The following ADD2 variants were observed in gnomAD, a reference collection of about 807,000 sequenced individuals.
ADD2 encodes beta-adducin.
A neutral mutation model predicts 83.0 loss-of-function variants in ADD2; 23 were observed. The observed-to-expected ratio is 0.28, with a 90% CI of 0.20 to 0.39. The LOEUF is 0.39. ADD2 is among the 10% of genes least tolerant of loss of function. The pLI, the probability that ADD2 is intolerant of heterozygous loss-of-function variation, is 1.00. For missense variants in ADD2, 758 were observed against 944.9 expected (o/e 0.80, Z 2.59); for synonymous variants, 375 against 375.4 (o/e 1.00, Z 0.01).
chr2:70,675,547 T>C (rs988176487), intron 13 of ADD2: 65 of 985,320 alleles, frequency 6.6e-5, no homozygotes, highest in East Asian at 5.7e-4. Context: ...TAGCCCAAGA[T>C]AGGAACTAAA....
At chr2:70,726,186 C>CAAAAAAAAAAAAAA (rs34333514) in intron 1 of ADD2, among the ~76,000 whole-genome samples, 4 of 45,490 alleles carry the variant, frequency 8.8e-5, no homozygotes, top group Non-Finnish European at 1.3e-4. Context: ...GACTCCATCT[C>CAAAAAAAAAAAAAA]AAAAAAAAAA....
Position 70,704,352 on chromosome 2 carries a change from G to A in ADD2, c.291C>T (p.Thr97=), listed in dbSNP as rs1671779215. The part of the protein sequence containing the change: ...LRQIADFMAS[T]SHAVFPTSSM... The stretch of plus-strand genomic sequence containing the variant: ...AAGATGTCGGGAAGACTGCGTGGGA[G>A]GTGCTGGCCATGAAGTCCGCGATCT... The change falls in exon 4 of 16, where the codon ACC becomes ACT. Residue 97 remains threonine (T), a synonymous_variant. Transcript: ENST00000264436. 6.2e-7 allele frequency: 1 copy of A among 1,613,622 alleles called. No homozygotes were observed. Among genetic ancestry groups the A allele is most frequent in the Non-Finnish European group, 8.5e-7 (1 of 1,179,938 alleles).
chr2:70,714,749 C>G (rs1672377847), intron 1 of ADD2, among the ~76,000 whole-genome samples: 1 of 152,226 alleles, frequency 6.6e-6, no homozygotes, highest in Non-Finnish European at 1.5e-5. Context: ...CTCCACTGCC[C>G]TCCCTAAGAA....
intron 1 of ADD2, among the ~76,000 whole-genome samples, chr2:70,729,797 G>T (rs1641669683): frequency 6.6e-6 from 1 of 152,156 alleles, no homozygotes; most frequent in Non-Finnish European, 1.5e-5. Flanking sequence ...TTGTTTCTGA[G>T]AGATGGAGAT....
chr2:70,743,703 T>C (rs1674037854), intron 1 of ADD2, among the ~76,000 whole-genome samples: 1 of 152,096 alleles, frequency 6.6e-6, no homozygotes, highest in African/African-American at 2.4e-5. Context: ...TTTAAAGTCA[T>C]CAAGTCTTGT....
rs556908062 is a variant in ADD2, at chr2:70,675,288, T to C, written c.1594-463A>G. On this transcript the variant is annotated intron_variant, in intron 13 of 15. Coordinates refer to ENST00000264436, the MANE Select transcript of ADD2 (RefSeq NM_001617.4). ...GCAGTGCAAGCCACAACACACAGCA[T>C]TAAGTTATATGCACAACACACAGCA... The C allele has an allele frequency of 2.2e-3, 2,241 of 996,280 alleles. 5 individuals carry two copies. The highest frequency in any genetic ancestry group is 4.0e-3 in the Admixed American group (72 of 17,800). The allele number at this position is 996,280 out of a possible 1,614,324, so 61.7% of individuals were successfully genotyped here. A position where few individuals can be genotyped will look rare whatever the true frequency, so the allele number is the denominator to read the frequency against.
chr2:70,663,387 G>T lies in ADD2; in HGVS notation c.*38C>A, dbSNP rs781907376. The T allele has an allele frequency of 6.4e-7, 1 of 1,569,140 alleles. No individual in the cohort carries two copies. The highest frequency in any genetic ancestry group is 8.7e-7 in the Non-Finnish European group (1 of 1,150,412). On this transcript the variant is annotated 3_prime_UTR_variant, in exon 16 of 16. Transcript: ENST00000264436. Reference sequence around the variant, plus strand: ...GAGATGGGAGAAGGGAAGGGGAGGAGAGAGAGGAGGCAGGAGGGAGCCCAA... The same window carrying T: ...GAGATGGGAGAAGGGAAGGGGAGGATAGAGAGGAGGCAGGAGGGAGCCCAA...
chr2:70,699,852 A>C (rs1211757345), intron 4 of ADD2, among the ~76,000 whole-genome samples: 1 of 152,202 alleles, frequency 6.6e-6, no homozygotes, highest in Non-Finnish European at 1.5e-5. Flanking sequence ...AAGATCAAAA[A>C]TACACCAGGC....
chr2:70,734,022 T>TCCGC (rs1553379719), intron 1 of ADD2, among the ~76,000 whole-genome samples: 1 of 152,100 alleles, frequency 6.6e-6, no homozygotes, highest in Non-Finnish European at 1.5e-5. Flanking sequence ...AGCAGTGCCT[T>TCCGC]CCGCCCACTT....
chr2:70,690,979 C>A, intron 7 of ADD2, 50 bp from the exon 8 acceptor site: 1 of 1,578,600 alleles, frequency 6.3e-7, no homozygotes, highest in Non-Finnish European at 8.6e-7. Context: ...CCTGCCCTTT[C>A]CTCAGAGCAG....
intron 4 of ADD2, among the ~76,000 whole-genome samples, chr2:70,697,146 C>G (rs1451445639): frequency 6.6e-6 from 1 of 152,114 alleles, no homozygotes; most frequent in Non-Finnish European, 1.5e-5. Context: ...GACTCCGTCC[C>G]CCACACCCTC....
chr2:70,681,457 T>G (rs970275969), intron 10 of ADD2, among the ~76,000 whole-genome samples: 5 of 152,102 alleles, frequency 3.3e-5, no homozygotes, highest in Admixed American at 6.5e-5. Flanking sequence ...AGACCAGGAA[T>G]CTTTGAAAAA....
rs781888377 is a variant in ADD2, at chr2:70,674,822, T to C, written c.1597A>G (p.Thr533Ala). The C allele has an allele frequency of 6.8e-6, 11 of 1,613,264 alleles. No homozygotes were observed. In the Admixed American group the frequency reaches 1.8e-4, roughly 27 times the overall value. The stretch of plus-strand genomic sequence containing the variant: ...CCCTTGGACATCAGCTGGCTCTCTG[T>C]AGACTGAAAGTTAACCACAGAGGGT... The part of the protein sequence containing the change: ...VIAEKSRSPS[T>A]ESQLMSKGDE... Residue 533 changes from threonine (T) to alanine (A), a missense_variant, in exon 14 of 16, where the codon ACA becomes GCA. Thr to Ala is a moderately conservative substitution (Grantham distance 58, BLOSUM62 0). Around this residue, in one of 5 missense-constraint regions of ADD2, gnomAD observed 394 missense variants for 509.3 expected, o/e 0.77. Transcript: ENST00000264436.
At chr2:70,749,319 G>A (rs1309859270) in intron 1 of ADD2, among the ~76,000 whole-genome samples, 1 of 152,168 alleles carries the variant, frequency 6.6e-6, no homozygotes, top group East Asian at 1.9e-4. Flanking sequence ...TATAATTCAA[G>A]ATGAGATTTG....
At position 70,704,314 on chromosome 2, in the gene ADD2, C is replaced by T; in HGVS notation, c.322+7G>A. ...CTGCTCCTGGCAGCTCCCCAGACAC[C>T]ACATACTCATGGAAGATGTCGGGAA... On this transcript the variant is annotated splice_region_variant and intron_variant, in intron 4 of 15. Transcript: ENST00000264436. 4 of 1,607,064 alleles carry T rather than the reference C, an allele frequency of 2.5e-6. No homozygotes were observed. The highest frequency in any genetic ancestry group is 1.1e-5 in the South Asian group (1 of 90,696).
intron 7 of ADD2, chr2:70,691,623 G>T (rs994076234): frequency 6.6e-6 from 1 of 152,076 alleles, no homozygotes. Flanking sequence ...AGCATGGAGA[G>T]GTTTAGAAGA....
At chr2:70,705,310 C>G (rs1671829713) in intron 3 of ADD2, among the ~76,000 whole-genome samples, 1 of 152,240 alleles carries the variant, frequency 6.6e-6, no homozygotes, top group African/African-American at 2.4e-5. Context: ...TGGAGCTGCT[C>G]TGTGTGGCCT....
chr2:70,755,394 T>C (rs1674720167), intron 1 of ADD2, among the ~76,000 whole-genome samples: 1 of 152,240 alleles, frequency 6.6e-6, no homozygotes, highest in Non-Finnish European at 1.5e-5. Flanking sequence ...CTGACCACTC[T>C]GGCTAAAGCA....
chr2:70,678,311 T>C (rs1553368804), intron 11 of ADD2, among the ~76,000 whole-genome samples: 1 of 152,204 alleles, frequency 6.6e-6, no homozygotes, highest in Admixed American at 6.5e-5. Flanking sequence ...AAAATATAAC[T>C]TCATAGAAGT....
Sources: allele counts gnomAD v4.1 joint callset (sites outside exome capture counted in the v4.1 genomes callset), GRCh38; gene constraint gnomAD v4.1.1; regional missense constraint gnomAD v4.1.1; transcripts MANE v1.5; gene names NCBI Gene and HGNC (gene_info 2026-07-23, HGNC 2026-07-21).